Variants in PRR16 observed in about 807,000 individuals in gnomAD.
The protein encoded by PRR16 is protein Largen.
In PRR16, 6 loss-of-function variants were observed where a neutral mutation model predicts 18.2. That is an observed-to-expected ratio of 0.33 (90% confidence interval 0.18 to 0.65). The LOEUF (loss-of-function observed/expected upper bound fraction) is 0.65, where lower values mean the gene tolerates loss of function less well. Among genes scored for constraint, PRR16 ranks in the 30% least tolerant of loss-of-function variants. The probability of loss-of-function intolerance (pLI) is 0.74; values close to 1 mark genes in which losing one functional copy is unlikely to be tolerated. For synonymous variants in PRR16, 151 were observed against 147.8 expected, an observed-to-expected ratio of 1.02 and a Z score of -0.16; for missense variants, 412 against 376.6, an observed-to-expected ratio of 1.09 and a Z score of -0.78.
chr5:120,748,921 T>A, the PRR16 span, among the ~76,000 whole-genome samples: 4 of 152,246 alleles, frequency 2.6e-5, no homozygotes, highest in South Asian at 8.3e-4. Context: ...GAGTGATATT[T>A]TGTTGTTAGC....
intron 1 of PRR16, among the ~76,000 whole-genome samples, chr5:120,494,060 A>T (rs1157149236): frequency 6.6e-6 from 1 of 152,196 alleles, no homozygotes; most frequent in Non-Finnish European, 1.5e-5. Context: ...CAAGCATACA[A>T]TTACTGGATC....
chr5:120,568,309 T>C (rs1327233070), intron 1 of PRR16, among the ~76,000 whole-genome samples: 1 of 152,116 alleles, frequency 6.6e-6, no homozygotes, highest in East Asian at 1.9e-4. Flanking sequence ...GGGCCCGAAG[T>C]ACCTGTACTG....
At chr5:120,728,326 T>G in the PRR16 span, among the ~76,000 whole-genome samples, 2 of 21,222 alleles carry the variant, frequency 9.4e-5, no homozygotes, top group African/African-American at 1.2e-3. Flanking sequence ...AAAAATAACC[T>G]TTTTTTTTTT....
intron 1 of PRR16, among the ~76,000 whole-genome samples, chr5:120,573,441 T>A (rs1752969817): frequency 6.6e-6 from 1 of 152,156 alleles, no homozygotes; most frequent in African/African-American, 2.4e-5. Flanking sequence ...TTATCTGTTG[T>A]CTTATTAATA....
the PRR16 span, among the ~76,000 whole-genome samples, chr5:120,747,141 G>A: frequency 0.1 from 15,726 of 151,996 alleles, 1,030 homozygotes; most frequent in African/African-American, 0.18. Flanking sequence ...AAAGTTAATT[G>A]TGATTGAAAA....
At chr5:120,784,834 T>C in the PRR16 span, among the ~76,000 whole-genome samples, 2 of 152,116 alleles carry the variant, frequency 1.3e-5, no homozygotes, top group Non-Finnish European at 2.9e-5. Flanking sequence ...AATTCTCTCT[T>C]CTCTTAGAAT....
chr5:120,502,564 C>T (rs1318791253), intron 1 of PRR16, among the ~76,000 whole-genome samples: 1 of 152,060 alleles, frequency 6.6e-6, no homozygotes, highest in Non-Finnish European at 1.5e-5. Context: ...ATAACCGATA[C>T]AGGAAGAGGC....
chr5:120,493,449 A>AT (rs1340963440), intron 1 of PRR16, among the ~76,000 whole-genome samples: 2 of 151,888 alleles, frequency 1.3e-5, no homozygotes, highest in Non-Finnish European at 1.5e-5. Flanking sequence ...GATACTGTTT[A>AT]TTTTTTTAAT....
intron 1 of PRR16, among the ~76,000 whole-genome samples, chr5:120,677,273 C>A (rs535456548): frequency 6.6e-6 from 1 of 152,268 alleles, no homozygotes; most frequent in East Asian, 1.9e-4. Context: ...TGTGTCCTTG[C>A]TGGAATATCC....
chr5:120,603,792 G>T (rs1198726798), intron 1 of PRR16, among the ~76,000 whole-genome samples: 1 of 151,654 alleles, frequency 6.6e-6, no homozygotes, highest in Non-Finnish European at 1.5e-5. Flanking sequence ...TTTTATTTCT[G>T]TCTTAATTAC....
At chr5:120,488,261 G>A (rs1041614726) in intron 1 of PRR16, among the ~76,000 whole-genome samples, 2 of 152,150 alleles carry the variant, frequency 1.3e-5, no homozygotes, top group African/African-American at 4.8e-5. Context: ...GAATTCGGCT[G>A]TGAATCCATC....
intron 1 of PRR16, among the ~76,000 whole-genome samples, chr5:120,665,910 C>A (rs905637196): frequency 6.6e-6 from 1 of 152,064 alleles, no homozygotes; most frequent in African/African-American, 2.4e-5. Context: ...CAGCTTTGTT[C>A]TTTTGGCTTA....
intron 1 of PRR16, among the ~76,000 whole-genome samples, chr5:120,566,760 G>A (rs545457955): frequency 2.0e-5 from 3 of 152,284 alleles, no homozygotes; most frequent in East Asian, 1.9e-4. Flanking sequence ...GTCCATGCTT[G>A]TCACTCTTTC....
At chr5:120,633,892 A>G (rs1755142589) in intron 1 of PRR16, among the ~76,000 whole-genome samples, 1 of 152,122 alleles carries the variant, frequency 6.6e-6, no homozygotes, top group Non-Finnish European at 1.5e-5. Context: ...TCATCAAGAC[A>G]GAAAGTCAGC....
the PRR16 span, among the ~76,000 whole-genome samples, chr5:120,701,236 G>C: frequency 6.6e-6 from 1 of 152,114 alleles, no homozygotes; most frequent in Non-Finnish European, 1.5e-5. Flanking sequence ...TGTGGGGTTT[G>C]AGGGCCAGAA....
At chr5:120,644,083 G>A (rs536300603) in intron 1 of PRR16, among the ~76,000 whole-genome samples, 1 of 152,080 alleles carries the variant, frequency 6.6e-6, no homozygotes, top group East Asian at 1.9e-4. Flanking sequence ...TCAATGACTT[G>A]GGTTCTAAAA....
At chr5:120,675,308 T>C (rs1033204182) in intron 1 of PRR16, among the ~76,000 whole-genome samples, 6 of 152,236 alleles carry the variant, frequency 3.9e-5, no homozygotes, top group Non-Finnish European at 7.3e-5. Context: ...CATTGTTCCA[T>C]ATTTTTATAG....
the PRR16 span, among the ~76,000 whole-genome samples, chr5:120,763,667 A>C: frequency 6.6e-6 from 1 of 152,148 alleles, no homozygotes; most frequent in Admixed American, 6.6e-5. Context: ...TAACAATATT[A>C]ATTCTTCCAA....
chr5:120,751,859 TTA>T, the PRR16 span, among the ~76,000 whole-genome samples: 1 of 152,078 alleles, frequency 6.6e-6, no homozygotes, highest in Non-Finnish European at 1.5e-5. Flanking sequence ...CTTTATGTAT[TTA>T]TGTTTTCAGT....
Sources: gnomAD v4.1 joint callset for allele counts (sites outside exome capture counted in the v4.1 genomes callset) on GRCh38, gnomAD v4.1.1 for gene constraint, MANE v1.5 for transcripts, NCBI Gene and HGNC (gene_info 2026-07-23, HGNC 2026-07-21) for gene names.